Variants in FZR1 observed in about 807,000 individuals in gnomAD.
FZR1 encodes the protein fizzy and cell division cycle 20 related 1, also known as fizzy-related protein homolog.
FZR1 carries 11 observed loss-of-function variants against 63.6 expected under a neutral mutation model. That is an observed-to-expected ratio of 0.17 (90% CI 0.11 to 0.29). The LOEUF is 0.29. FZR1 is among the 10% of genes least tolerant of loss of function. The probability of loss-of-function intolerance (pLI) is 1.00; values close to 1 mark genes in which losing one functional copy is unlikely to be tolerated. For synonymous variants in FZR1, 328 were observed against 297.9 expected (o/e 1.10, Z -1.04); for missense variants, 440 against 687.5 (o/e 0.64, Z 4.03).
intron 1 of FZR1, among the ~76,000 whole-genome samples, chr19:3,519,867 G>C (rs766567994): frequency 7.4e-6 from 1 of 134,302 alleles, no homozygotes; most frequent in South Asian, 2.4e-4. Flanking sequence ...TCTGTGAATC[G>C]GTCCCGGGGG....
chr19:3,537,970 G>C lies in FZR1; in HGVS notation c.*3134G>C, dbSNP rs1026813283. 2.6e-5 allele frequency: 4 copies of C among 152,968 alleles called. No homozygotes were observed. Among genetic ancestry groups the C allele is most frequent in the African/African-American group, 9.6e-5 (4 of 41,456 alleles). 9.5% of individuals were successfully genotyped at this position (152,968 alleles called of 1,614,324 possible). A position where few individuals can be genotyped will look rare whatever the true frequency, so the allele number is the denominator to read the frequency against. Reference sequence around the variant, plus strand: ...CAGGGACGCCTGGGTGAGAGGCAAAGGGCACAGCCATGCAAAGGCCCTGGG... The same window carrying C: ...CAGGGACGCCTGGGTGAGAGGCAAACGGCACAGCCATGCAAAGGCCCTGGG... On this transcript the variant is annotated 3_prime_UTR_variant, in exon 14 of 14. Coordinates refer to ENST00000441788, the MANE Select transcript of FZR1 (RefSeq NM_016263.4).
intron 1 of FZR1, among the ~76,000 whole-genome samples, chr19:3,519,489 G>A (rs1257659341): frequency 6.6e-6 from 1 of 152,186 alleles, no homozygotes; most frequent in Non-Finnish European, 1.5e-5. Context: ...CAAGTTCCTC[G>A]CCGCTTGGCT....
chr19:3,509,252 C>T (rs2083007555), intron 1 of FZR1, among the ~76,000 whole-genome samples: 1 of 152,196 alleles, frequency 6.6e-6, no homozygotes, highest in Admixed American at 6.5e-5. Context: ...GACTGCCTTC[C>T]TCTGCCTCAG....
rs889817617 is a variant in FZR1 at position 3,514,542 on chromosome 19, G to A, written c.-35+8068G>A. The stretch of plus-strand genomic sequence containing the variant: ...ATACCCTGGGGGCAGAATCACCCTG[G>A]TTAAGACCCCCTGGGTTATGGGATT... On this transcript the variant is annotated intron_variant, in intron 1 of 13. Coordinates refer to ENST00000441788, the MANE Select transcript of FZR1 (RefSeq NM_016263.4). The surrounding 1 kb of genome is among the most constrained non-coding windows in gnomAD (Gnocchi z 4.2). 6.6e-6 allele frequency among the ~76,000 whole-genome samples: 1 copy of A among 152,146 alleles called. No homozygotes were observed. The highest frequency in any genetic ancestry group is 2.4e-5 in the African/African-American group (1 of 41,428).
intron 2 of FZR1, among the ~76,000 whole-genome samples, chr19:3,524,401 G>A (rs1233574831): frequency 6.6e-6 from 1 of 152,222 alleles, no homozygotes; most frequent in East Asian, 1.9e-4. Context: ...TACCCGTCCT[G>A]CCCCGCAGTC....
intron 1 of FZR1, among the ~76,000 whole-genome samples, chr19:3,517,311 G>A (rs1342736466): frequency 6.6e-6 from 1 of 152,096 alleles, no homozygotes; most frequent in African/African-American, 2.4e-5. Context: ...GATCACTTGA[G>A]TCTAGGAGGC....
Position 3,525,146 on chromosome 19 carries a change from T to G in FZR1, c.70-722T>G, listed in dbSNP as rs2083140296. ...TACAGCTGTTGCGTGTCTTGTGCCG[T>G]CAAGGCCTGCGTCTGTGATCATCTA... On this transcript the variant is annotated intron_variant, in intron 2 of 13. Transcript: ENST00000441788. The surrounding 1 kb of genome is among the most constrained non-coding windows in gnomAD (Gnocchi z 4.2). Among the ~76,000 whole-genome samples the G allele has an allele frequency of 6.6e-6, 1 of 152,102 alleles. No individual in the cohort carries two copies. Among genetic ancestry groups the G allele is most frequent in the South Asian group, 2.1e-4 (1 of 4,822 alleles).
chr19:3,529,000 A>T (rs1599787795), intron 7 of FZR1, among the ~76,000 whole-genome samples: 1 of 142,384 alleles, frequency 7.0e-6, no homozygotes, highest in African/African-American at 2.7e-5. Context: ...GGATGAGCAG[A>T]TGGGAGAGTG....
At chr19:3,529,733 AGAGTGGATGGGT>A (rs1568238047) in intron 7 of FZR1, among the ~76,000 whole-genome samples, 14 of 134,964 alleles carry the variant, frequency 1.0e-4, no homozygotes, top group Non-Finnish European at 2.3e-4. Flanking sequence ...AGTGGATGGG[AGAGTGGATGGGT>A]GAGCGCATGG....
intron 1 of FZR1, among the ~76,000 whole-genome samples, chr19:3,513,340 G>A (rs1005886993): frequency 3.3e-5 from 5 of 152,186 alleles, no homozygotes; most frequent in African/African-American, 1.2e-4. Context: ...ACTCCAGCAG[G>A]AGGCAGTGCC....
chr19:3,529,154 A>ATGGGAGAGCGGT (rs1217263471), intron 7 of FZR1, among the ~76,000 whole-genome samples: 118 of 38,878 alleles, frequency 3.0e-3, no homozygotes, highest in East Asian at 0.02. Context: ...GGGAGAGCGG[A>ATGGGAGAGCGGT]TGGGAGAGCG....
intron 1 of FZR1, among the ~76,000 whole-genome samples, chr19:3,518,273 C>A (rs1004345918): frequency 6.6e-6 from 1 of 152,192 alleles, no homozygotes; most frequent in Non-Finnish European, 1.5e-5. Flanking sequence ...CTCAGCCCCC[C>A]ACAGTGCCTC....
chr19:3,511,521 A>G (rs1465835656), intron 1 of FZR1, among the ~76,000 whole-genome samples: 1 of 151,938 alleles, frequency 6.6e-6, no homozygotes, highest in African/African-American at 2.4e-5. Context: ...CGGGCAACAT[A>G]GGGAGACCCT....
At chr19:3,529,724 G>GCGGA (rs1433565918) in intron 7 of FZR1, among the ~76,000 whole-genome samples, 4,568 of 146,012 alleles carry the variant, frequency 0.031, 838 homozygotes, top group African/African-American at 0.11. Flanking sequence ...GGATGGGAGA[G>GCGGA]TGGATGGGAG....
Position 3,525,432 on chromosome 19 carries a change from C to CTTTTTTTTTTT in FZR1, c.70-418_70-408dup, listed in dbSNP as rs57486013. On this transcript the variant is annotated intron_variant, in intron 2 of 13. Coordinates refer to ENST00000441788, the MANE Select transcript of FZR1 (RefSeq NM_016263.4). The surrounding 1 kb of genome is among the most constrained non-coding windows in gnomAD (Gnocchi z 4.2). ...TGTGTGGCTCCCCTCCTTGGGTTTT[C>CTTTTTTTTTTT]TTTTTTTTTTTTTTTTTTTTTTTTT... Among the ~76,000 whole-genome samples the CTTTTTTTTTTT allele has an allele frequency of 6.8e-4, 47 of 68,734 alleles. 5 individuals are homozygous for CTTTTTTTTTTT. The highest frequency in any genetic ancestry group is 2.5e-3 in the African/African-American group (42 of 16,538). The allele number at this position is 68,734 out of a possible 152,430, so 45.1% of individuals were successfully genotyped here.
At chr19:3,517,469 C>G (rs1599775559) in intron 1 of FZR1, among the ~76,000 whole-genome samples, 1 of 152,100 alleles carries the variant, frequency 6.6e-6, no homozygotes, top group East Asian at 1.9e-4. Flanking sequence ...TGTGGATCAC[C>G]TGAGGTCAGG....
At chr19:3,529,751 C>CGGATGGGAGAGTGG (rs2083215301) in intron 7 of FZR1, among the ~76,000 whole-genome samples, 1 of 40,348 alleles carries the variant, frequency 2.5e-5, no homozygotes, top group African/African-American at 1.6e-4. Flanking sequence ...TGGGTGAGCG[C>CGGATGGGAGAGTGG]ATGGGAGCGC....
At chr19:3,521,779 C>G (rs538599171) in intron 1 of FZR1, among the ~76,000 whole-genome samples, 5 of 152,024 alleles carry the variant, frequency 3.3e-5, no homozygotes, top group Non-Finnish European at 7.4e-5. Context: ...GGATTACAGG[C>G]GTGAGCCACC....
rs754355403 is a variant in FZR1 at position 3,526,177 on chromosome 19, G to A, written c.253G>A (p.Gly85Ser). The change falls in exon 4 of 14, where the codon GGC becomes AGC. Residue 85 changes from glycine to serine, a missense_variant. Coordinates refer to ENST00000441788, the MANE Select transcript of FZR1 (RefSeq NM_016263.4). This position sits in a 1 kb window ranked among gnomAD's most constrained non-coding sequence, Gnocchi z 5.4. ...AGCCAAGGACGCCACCTCAGACAAC[G>A]GCAAAGGTTAGGGTCCCAGCCCATC... Reference protein sequence around the residue: ...RKAKDATSDNGKDGLAYSALL... With the variant: ...RKAKDATSDNSKDGLAYSALL... 3.7e-6 allele frequency: 6 copies of A among 1,612,592 alleles called. No homozygotes were observed. The highest frequency in any genetic ancestry group is 1.3e-5 in the African/African-American group (1 of 74,898).
Sources: gnomAD v4.1 joint callset for allele counts (sites outside exome capture counted in the v4.1 genomes callset) on GRCh38, gnomAD v4.1.1 for gene constraint, Gnocchi (gnomAD v3.1) non-coding constraint, MANE v1.5 for transcripts, NCBI Gene and HGNC (gene_info 2026-07-23, HGNC 2026-07-21) for gene names.